The following BRIP1 variants were observed in gnomAD, a reference collection of about 807,000 sequenced individuals.
The protein encoded by BRIP1 is Fanconi anemia group J protein.
In BRIP1, 88 loss-of-function variants were observed where a neutral mutation model predicts 119.7. The ratio of observed to expected loss-of-function variants is 0.74; its 90% confidence interval spans 0.62 to 0.88. The LOEUF (loss-of-function observed/expected upper bound fraction) is 0.88, where lower values mean the gene tolerates loss of function less well. Among genes scored for constraint, BRIP1 ranks in the 40% least tolerant of loss-of-function variants. The probability of loss-of-function intolerance (pLI) is 0.00; values close to 1 mark genes in which losing one functional copy is unlikely to be tolerated. For missense variants in BRIP1, 1,259 were observed against 1,455.4 expected, an observed-to-expected ratio of 0.87 and a Z score of 2.20; for synonymous variants, 443 against 496.5, an observed-to-expected ratio of 0.89 and a Z score of 1.43.
intron 17 of BRIP1, among the ~76,000 whole-genome samples, chr17:61,715,401 C>T (rs1020878914): frequency 6.6e-6 from 1 of 151,786 alleles, no homozygotes. Context: ...GTCTTCTTTA[C>T]ATAGAAGCAG....
Position 61,861,666 on chromosome 17 carries a change from A to ACCC in BRIP1, c.-30-98_-30-97insGGG, listed in dbSNP as rs2078975984. 2 of 719,502 alleles carry ACCC rather than the reference A, an allele frequency of 2.8e-6. No homozygotes were observed. Among genetic ancestry groups the ACCC allele is most frequent in the Admixed American group, 2.2e-5 (1 of 45,854 alleles). 44.6% of individuals were successfully genotyped at this position (719,502 alleles called of 1,614,324 possible). ...GAGAAATCTGGAAACAGAAACTGGA[A>ACCC]TTAATAAAAGTATAAACAAAACAAA... is the stretch of plus-strand genomic sequence containing the variant. On this transcript the variant is annotated intron_variant, in intron 1 of 19. Transcript: ENST00000259008. The surrounding 1 kb of genome is among the most constrained non-coding windows in gnomAD (Gnocchi z 4.5).
chr17:61,727,952 C>T (rs953805760), intron 16 of BRIP1, among the ~76,000 whole-genome samples: 11 of 151,924 alleles, frequency 7.2e-5, no homozygotes, highest in African/African-American at 2.2e-4. Context: ...CCTCAGCCTC[C>T]ACAGTAGCTG....
chr17:61,760,276 A>G lies in BRIP1; in HGVS notation c.2098-15685T>C, dbSNP rs1257266382. On this transcript the variant is annotated intron_variant, in intron 14 of 19. Coordinates refer to ENST00000259008, the MANE Select transcript of BRIP1 (RefSeq NM_032043.3). This position sits in a 1 kb window ranked among gnomAD's most constrained non-coding sequence, Gnocchi z 4.6. ...AACAAAAATGGAAACACAACATACC[A>G]AAACTTAAGGGATGCAGCAAACGTA... is the stretch of plus-strand genomic sequence containing the variant. Among the ~76,000 whole-genome samples, 1 of 152,022 alleles carries G rather than the reference A, an allele frequency of 6.6e-6. No individual in the cohort carries two copies. The highest frequency in any genetic ancestry group is 1.5e-5 in the Non-Finnish European group (1 of 67,930).
At chr17:61,818,686 G>C (rs1157349749) in intron 6 of BRIP1, among the ~76,000 whole-genome samples, 1 of 152,082 alleles carries the variant, frequency 6.6e-6, no homozygotes, top group Non-Finnish European at 1.5e-5. Context: ...TCTCCTGCAT[G>C]ATCTTTCTTT....
At chr17:61,813,637 T>C (rs1348422794) in intron 6 of BRIP1, among the ~76,000 whole-genome samples, 2 of 152,108 alleles carry the variant, frequency 1.3e-5, no homozygotes, top group Admixed American at 1.3e-4. Flanking sequence ...CTTATGCTAG[T>C]ATTTTAGTCG....
rs2076970474 is a variant in BRIP1 at position 61,740,361 on chromosome 17, G to C, written c.2379+2652C>G. ...ACTTCCACAGTTTCTGATTTGGCAG[G>C]TCTGGATGAGCCTGAAAGTCTTTAT... On this transcript the variant is annotated intron_variant, in intron 16 of 19. Coordinates refer to ENST00000259008, the MANE Select transcript of BRIP1 (RefSeq NM_032043.3). This position sits in a 1 kb window ranked among gnomAD's most constrained non-coding sequence, Gnocchi z 5.4. Among the ~76,000 whole-genome samples the C allele has an allele frequency of 6.6e-6, 1 of 152,116 alleles. No homozygotes were observed. The highest frequency in any genetic ancestry group is 6.5e-5 in the Admixed American group (1 of 15,272).
rs2078681382 is a variant in BRIP1 at position 61,843,159 on chromosome 17, A to G, written c.627+3942T>C. 6.6e-6 allele frequency among the ~76,000 whole-genome samples: 1 copy of G among 152,220 alleles called. No individual in the cohort carries two copies. The highest frequency in any genetic ancestry group is 1.5e-5 in the Non-Finnish European group (1 of 68,030). ...ATCTCACTTATACGTGGAATCTAAAAAAGTCAAATACATAGAAACAGAAAT... is the reference window on the plus strand; with the variant it reads ...ATCTCACTTATACGTGGAATCTAAAGAAGTCAAATACATAGAAACAGAAAT... On this transcript the variant is annotated intron_variant, in intron 6 of 19. Coordinates refer to ENST00000259008, the MANE Select transcript of BRIP1 (RefSeq NM_032043.3). This position sits in a 1 kb window ranked among gnomAD's most constrained non-coding sequence, Gnocchi z 5.7.
rs1333835526 is a variant in BRIP1, at chr17:61,700,370, C to T, written c.2493-6858G>A. ...CTGAAAGACTCCTTTTAGTATTTCTCGTAGGACAAGTTTGCTACAGAGTAA... is the reference window on the plus strand; with the variant it reads ...CTGAAAGACTCCTTTTAGTATTTCTTGTAGGACAAGTTTGCTACAGAGTAA... On this transcript the variant is annotated intron_variant, in intron 17 of 19. Coordinates refer to ENST00000259008, the MANE Select transcript of BRIP1 (RefSeq NM_032043.3). This position sits in a 1 kb window ranked among gnomAD's most constrained non-coding sequence, Gnocchi z 4.1. 6.6e-6 allele frequency among the ~76,000 whole-genome samples: 1 copy of T among 152,104 alleles called. No individual in the cohort carries two copies. Among genetic ancestry groups the T allele is most frequent in the Non-Finnish European group, 1.5e-5 (1 of 68,028 alleles).
intron 17 of BRIP1, among the ~76,000 whole-genome samples, chr17:61,711,690 G>A (rs557549771): frequency 7.2e-5 from 11 of 151,990 alleles, no homozygotes; most frequent in African/African-American, 2.2e-4. Context: ...CCAACATAGC[G>A]AAACCCGTCT....
Position 61,739,723 on chromosome 17 carries a change from A to C in BRIP1, c.2379+3290T>G, listed in dbSNP as rs1276750471. Among the ~76,000 whole-genome samples, 1 of 152,144 alleles carries C rather than the reference A, an allele frequency of 6.6e-6. No individual in the cohort carries two copies. The highest frequency in any genetic ancestry group is 1.5e-5 in the Non-Finnish European group (1 of 68,018). ...ATGAGACCCTAACTGACTGTATCCTAGGGGGAGGGATATAGGTCATAATCA... is the reference window on the plus strand; with the variant it reads ...ATGAGACCCTAACTGACTGTATCCTCGGGGGAGGGATATAGGTCATAATCA... On this transcript the variant is annotated intron_variant, in intron 16 of 19. Coordinates refer to ENST00000259008, the MANE Select transcript of BRIP1 (RefSeq NM_032043.3). The surrounding 1 kb of genome is among the most constrained non-coding windows in gnomAD (Gnocchi z 6.0).
At chr17:61,711,850 A>G (rs1241896438) in intron 17 of BRIP1, among the ~76,000 whole-genome samples, 1 of 151,944 alleles carries the variant, frequency 6.6e-6, no homozygotes, top group Non-Finnish European at 1.5e-5. Context: ...CCTGGGAAAC[A>G]GAGCAAGACT....
At chr17:61,712,172 G>C (rs1480853845) in intron 17 of BRIP1, among the ~76,000 whole-genome samples, 1 of 152,078 alleles carries the variant, frequency 6.6e-6, no homozygotes, top group Non-Finnish European at 1.5e-5. Flanking sequence ...TCTGGTTGAA[G>C]TGCAAATATG....
chr17:61,692,397 G>T (rs2061460269), intron 18 of BRIP1, among the ~76,000 whole-genome samples: 1 of 151,978 alleles, frequency 6.6e-6, no homozygotes, highest in South Asian at 2.1e-4. Flanking sequence ...AAAATAATTT[G>T]CAACGCATAT....
intron 6 of BRIP1, among the ~76,000 whole-genome samples, chr17:61,840,041 C>T (rs1025708855): frequency 6.6e-6 from 1 of 152,098 alleles, no homozygotes; most frequent in African/African-American, 2.4e-5. Flanking sequence ...AAGATTTCAG[C>T]CATAAACATC....
At chr17:61,764,943 C>A (rs1355361575) in intron 14 of BRIP1, among the ~76,000 whole-genome samples, 1 of 151,950 alleles carries the variant, frequency 6.6e-6, no homozygotes, top group Non-Finnish European at 1.5e-5. Context: ...TTAACAGGTG[C>A]AGCATTTAAG....
At position 61,751,976 on chromosome 17, in the gene BRIP1, T is replaced by A. The variant is rs1485814129; in HGVS notation, c.2098-7385A>T. Among the ~76,000 whole-genome samples the A allele has an allele frequency of 6.6e-6, 1 of 151,864 alleles. No individual in the cohort carries two copies. The highest frequency in any genetic ancestry group is 1.5e-5 in the Non-Finnish European group (1 of 67,934). On this transcript the variant is annotated intron_variant, in intron 14 of 19. Coordinates refer to ENST00000259008, the MANE Select transcript of BRIP1 (RefSeq NM_032043.3). The surrounding 1 kb of genome is among the most constrained non-coding windows in gnomAD (Gnocchi z 6.7). Reference sequence around the variant, plus strand: ...TAGAGACGGGGTTTCACCATATTGGTCAGGCTGGTCTCGAACTCCTGACCT... The same window carrying A: ...TAGAGACGGGGTTTCACCATATTGGACAGGCTGGTCTCGAACTCCTGACCT...
rs1348520625 is a variant in BRIP1, at chr17:61,742,875, G to A, written c.2379+138C>T. ...AATGGTGCTGAAAGACTTGCACAAT[G>A]CAGGGTTACCATAAACCTTCAATTT... On this transcript the variant is annotated intron_variant, in intron 16 of 19. Transcript: ENST00000259008. The surrounding 1 kb of genome is among the most constrained non-coding windows in gnomAD (Gnocchi z 4.7). The A allele has an allele frequency of 3.7e-6, 4 of 1,074,304 alleles. No individual in the cohort carries two copies. Among genetic ancestry groups the A allele is most frequent in the Non-Finnish European group, 5.5e-6 (4 of 721,022 alleles). 66.5% of individuals were successfully genotyped at this position (1,074,304 alleles called of 1,614,324 possible).
At position 61,796,283 on chromosome 17, in the gene BRIP1, C is replaced by T. The variant is rs960920503; in HGVS notation, c.1341-2554G>A. 2.6e-5 allele frequency among the ~76,000 whole-genome samples: 4 copies of T among 151,984 alleles called. No individual in the cohort carries two copies. The highest frequency in any genetic ancestry group is 9.7e-5 in the African/African-American group (4 of 41,384). ...ATGTGATCCCATCTGTCCATTTTTG[C>T]TTTGGTTACCTGTGCTTGTGGGGTA... On this transcript the variant is annotated intron_variant, in intron 9 of 19. Transcript: ENST00000259008. This position sits in a 1 kb window ranked among gnomAD's most constrained non-coding sequence, Gnocchi z 4.8.
rs1423868763 is a variant in BRIP1, at chr17:61,706,639, G to T, written c.2492+9312C>A. Among the ~76,000 whole-genome samples the T allele has an allele frequency of 6.6e-6, 1 of 152,012 alleles. No individual in the cohort carries two copies. Among genetic ancestry groups the T allele is most frequent in the Non-Finnish European group, 1.5e-5 (1 of 68,000 alleles). ...TTTTGAACTTTAGAACTTACGTACTGATTCTCTCCTGTGGAAGATGTTTAT... is the reference window on the plus strand; with the variant it reads ...TTTTGAACTTTAGAACTTACGTACTTATTCTCTCCTGTGGAAGATGTTTAT... On this transcript the variant is annotated intron_variant, in intron 17 of 19. Transcript: ENST00000259008. This position sits in a 1 kb window ranked among gnomAD's most constrained non-coding sequence, Gnocchi z 5.7.
Sources: gnomAD v4.1 joint callset for allele counts (sites outside exome capture counted in the v4.1 genomes callset) on GRCh38, gnomAD v4.1.1 for gene constraint, Gnocchi (gnomAD v3.1) non-coding constraint, MANE v1.5 for transcripts, NCBI Gene and HGNC (gene_info 2026-07-23, HGNC 2026-07-21) for gene names.